Variants in KCNAB3 observed in about 807,000 individuals in gnomAD.
KCNAB3 encodes potassium voltage-gated channel subfamily A regulatory beta subunit 3.
Under a neutral mutation model 67.7 loss-of-function variants are expected in KCNAB3, and 62 were observed. That is an observed-to-expected ratio of 0.92 (90% CI 0.75 to 1.13). The LOEUF (loss-of-function observed/expected upper bound fraction) is 1.13, where lower values mean the gene tolerates loss of function less well. Ranked by LOEUF, KCNAB3 falls within the 50% of genes most tolerant of loss-of-function variation. KCNAB3 has a pLI of 0.00. For synonymous variants in KCNAB3, 212 were observed against 205.4 expected (o/e 1.03, Z -0.27); for missense variants, 514 against 522.9 (o/e 0.98, Z 0.17).
In KCNAB3 at chr17:7,929,821, C is replaced by CT; in HGVS notation, c.-387dup. On this transcript the variant is annotated 5_prime_UTR_variant, in exon 1 of 14. Transcript: ENST00000303790. This position sits in a 1 kb window ranked among gnomAD's most constrained non-coding sequence, Gnocchi z 5.7. Reference sequence around the variant, plus strand: ...TCAGCGCGAACCGCTGCGGGACCCGCTGGGCTCCCAGCCGCGTCGGCAGCG... The same window carrying CT: ...TCAGCGCGAACCGCTGCGGGACCCGCTTGGGCTCCCAGCCGCGTCGGCAGCG... The CT allele has an allele frequency of 4.7e-6, 5 of 1,068,906 alleles. No homozygotes were observed. In the South Asian group the frequency reaches 8.2e-5, roughly 18 times the overall value. The allele number at this position is 1,068,906 out of a possible 1,614,324, so 66.2% of individuals were successfully genotyped here.
chr17:7,924,187 C>T lies in KCNAB3; in HGVS notation c.790G>A (p.Glu264Lys). ...EQAEHHLFQREKVEMQLPELY... is the reference protein window; with the variant it reads ...EQAEHHLFQRKKVEMQLPELY... ...TCTGGCAGCTGCATCTCCACCTTCT[C>T]CCTCTGAAACAGATGGTGCTCCGCT... Residue 264 changes from glutamate (E) to lysine (K), a missense_variant, in exon 10 of 14, where the codon GAG (glutamate) becomes AAG (lysine). Glu to Lys is a moderately conservative substitution (Grantham distance 56, BLOSUM62 1). Transcript: ENST00000303790. The T allele has an allele frequency of 6.2e-7, 1 of 1,614,230 alleles. No homozygotes were observed. The highest frequency in any genetic ancestry group is 8.5e-7 in the Non-Finnish European group (1 of 1,180,048).
chr17:7,923,741 G>T lies in KCNAB3; in HGVS notation c.1018C>A (p.Leu340Met). ...GCAAGCTGGGCCACGGTGCAGCCCA[G>T]CTGGTGAGCGACAGGAAGAAGGTCC... ...VMDLLPVAHQ[L>M]GCTVAQLAIA... Residue 340 changes from leucine (L) to methionine (M), a missense_variant, in exon 12 of 14, where the codon CTG becomes ATG. Physicochemically the swap from Leu to Met is conservative, Grantham distance 15. Coordinates refer to ENST00000303790, the MANE Select transcript of KCNAB3 (RefSeq NM_004732.4). 2 of 1,569,580 alleles carry T rather than the reference G, an allele frequency of 1.3e-6. No homozygotes were observed. Among genetic ancestry groups the T allele is most frequent in the Non-Finnish European group, 8.6e-7 (1 of 1,156,288 alleles).
At chr17:7,923,264 C>G in intron 13 of KCNAB3, 85 bp from the exon 14 acceptor site, 3 of 1,416,068 alleles carry the variant, frequency 2.1e-6, no homozygotes, top group Non-Finnish European at 3.0e-6. Context: ...GGGGAAGCAC[C>G]ACAGTGGGGT....
At position 7,923,544 on chromosome 17, in the gene KCNAB3, G is replaced by A. The variant is rs1480983228; in HGVS notation, c.1049C>T (p.Ala350Val). ...LGCTVAQLAI[A>V]WCLRSEGVSS... ...GACACCCTCACTGCGGAGACACCAC[G>A]CTGGGGCCAGAGGAGGAAAAAAAGA... Residue 350 changes from alanine to valine, a missense_variant and splice_region_variant, in exon 13 of 14, where the codon GCG (alanine) becomes GTG (valine). By Grantham distance (64) the Ala-to-Val change is moderately conservative. Transcript: ENST00000303790. 1 of 1,604,000 alleles carries A rather than the reference G, an allele frequency of 6.2e-7. No homozygotes were observed. The highest frequency in any genetic ancestry group is 8.5e-7 in the Non-Finnish European group (1 of 1,175,310).
At position 7,929,217 on chromosome 17, in the gene KCNAB3, G is replaced by A. The variant is rs750521303; in HGVS notation, c.219C>T (p.Gly73=). The change falls in exon 1 of 14, where the codon GGC becomes GGT. Residue 73 remains glycine (G), a synonymous_variant. Coordinates refer to ENST00000303790, the MANE Select transcript of KCNAB3 (RefSeq NM_004732.4). The surrounding 1 kb of genome is among the most constrained non-coding windows in gnomAD (Gnocchi z 5.7). ...APAGALREST[G]RGTGMKYRNL... Reference sequence around the variant, plus strand: ...ACCTGTATTTCATGCCAGTGCCTCGGCCGGTGCTCTCTCGGAGGGCCCCAG... The same window carrying A: ...ACCTGTATTTCATGCCAGTGCCTCGACCGGTGCTCTCTCGGAGGGCCCCAG... The A allele has an allele frequency of 3.1e-6, 5 of 1,611,898 alleles. No homozygotes were observed. Among genetic ancestry groups the A allele is most frequent in the Admixed American group, 1.7e-5 (1 of 59,964 alleles).
intron 13 of KCNAB3, 57 bp downstream of exon 13, chr17:7,923,399 G>C: frequency 6.5e-7 from 1 of 1,531,664 alleles, no homozygotes. Context: ...TGGATAGCGT[G>C]GCTTTGACTC....
Position 7,929,817 on chromosome 17 carries a change from C to CA in KCNAB3, c.-383_-382insT. On this transcript the variant is annotated 5_prime_UTR_variant, in exon 1 of 14. Transcript: ENST00000303790. This position sits in a 1 kb window ranked among gnomAD's most constrained non-coding sequence, Gnocchi z 5.7. ...CACTTCAGCGCGAACCGCTGCGGGA[C>CA]CCGCTGGGCTCCCAGCCGCGTCGGC... 29 of 1,020,386 alleles carry CA rather than the reference C, an allele frequency of 2.8e-5. No individual in the cohort carries two copies. Among genetic ancestry groups the CA allele is most frequent in the South Asian group, 2.2e-4 (6 of 26,684 alleles). The allele number at this position is 1,020,386 out of a possible 1,614,324, so 63.2% of individuals were successfully genotyped here.
intron 8 of KCNAB3, 112 bp from the exon 9 acceptor site, chr17:7,924,612 T>G: frequency 6.9e-7 from 1 of 1,447,134 alleles, no homozygotes; most frequent in Non-Finnish European, 9.1e-7. Context: ...TATGGAGTCA[T>G]GAAAGTTAAT....
Position 7,923,839 on chromosome 17 carries a change from C to A in KCNAB3, c.928-8G>T, listed in dbSNP as rs373292804. 137 of 1,569,426 alleles carry A rather than the reference C, an allele frequency of 8.7e-5. No individual in the cohort carries two copies. In the Admixed American group the frequency reaches 9.7e-4, roughly 11 times the overall value. ...CTTGAGCCACTGGTAGCCCTGGAGG[C>A]CAAGAAGAATCAACAGAAGACCCCG... On this transcript the variant is annotated splice_region_variant and splice_polypyrimidine_tract_variant and intron_variant, in intron 11 of 13. Coordinates refer to ENST00000303790, the MANE Select transcript of KCNAB3 (RefSeq NM_004732.4).
In KCNAB3 at chr17:7,924,495, C is replaced by T; in HGVS notation, c.631G>A (p.Val211Met). ...TTGATGACATAGGTCATGGCTCGCACAATCTCTAGGTACACAGGAGAGGGA... is the reference window on the plus strand; with the variant it reads ...TTGATGACATAGGTCATGGCTCGCATAATCTCTAGGTACACAGGAGAGGGA... ...SDPNCPMEEI[V>M]RAMTYVINQG... The change falls in exon 9 of 14, where the codon GTG becomes ATG. Residue 211 changes from valine to methionine, a missense_variant. Coordinates refer to ENST00000303790, the MANE Select transcript of KCNAB3 (RefSeq NM_004732.4). 1.9e-6 allele frequency: 3 copies of T among 1,613,560 alleles called. No homozygotes were observed. Among genetic ancestry groups the T allele is most frequent in the Admixed American group, 1.7e-5 (1 of 59,958 alleles).
In KCNAB3 at chr17:7,926,090, G is replaced by A. The variant is rs777275638; in HGVS notation, c.418C>T (p.Leu140=). The part of the protein sequence containing the change: ...VYAAGKAERT[L]GNILKSKGWR... ...CCTTTGCTCTTGAGGATGTTCCCTA[G>A]GGTTCTTTCAGCCCTAAAAGAAACA... is the stretch of plus-strand genomic sequence containing the variant. The change falls in exon 5 of 14, where the codon CTA becomes TTA. Residue 140 remains leucine, a synonymous_variant. Transcript: ENST00000303790. 3 of 1,614,072 alleles carry A rather than the reference G, an allele frequency of 1.9e-6. No homozygotes were observed. The highest frequency in any genetic ancestry group is 2.5e-6 in the Non-Finnish European group (3 of 1,180,002).
intron 3 of KCNAB3, 97 bp from the exon 4 acceptor site, chr17:7,927,520 C>T (rs1680836070): frequency 6.7e-7 from 1 of 1,493,118 alleles, no homozygotes; most frequent in Non-Finnish European, 9.3e-7. Context: ...GTTCTCTAGT[C>T]TCTCCCCTCT....
intron 4 of KCNAB3, 74 bp downstream of exon 4, chr17:7,927,270 G>A: frequency 1.4e-6 from 2 of 1,395,804 alleles, no homozygotes. Flanking sequence ...TCTTTAGAGG[G>A]AAAACGAGAA....
Position 7,922,538 on chromosome 17 carries a change from C to T in KCNAB3, c.*564G>A, listed in dbSNP as rs970881367. 9 of 157,686 alleles carry T rather than the reference C, an allele frequency of 5.7e-5. No individual in the cohort carries two copies. The highest frequency in any genetic ancestry group is 1.1e-4 in the Non-Finnish European group (8 of 70,864). 9.8% of individuals were successfully genotyped at this position (157,686 alleles called of 1,614,324 possible). A position where few individuals can be genotyped will look rare whatever the true frequency, so the allele number is the denominator to read the frequency against. On this transcript the variant is annotated 3_prime_UTR_variant, in exon 14 of 14. Transcript: ENST00000303790. ...TGTAGACCCCACCCTGACCGCCCTC[C>T]TCCACCTCTGGGCTGGGAGGCAGGG...
chr17:7,923,390 G>T, intron 13 of KCNAB3, 66 bp downstream of exon 13: 1 of 1,488,642 alleles, frequency 6.7e-7, no homozygotes, highest in Non-Finnish European at 9.2e-7. Context: ...ATCCTGGGTT[G>T]GATAGCGTGG....
In KCNAB3 at chr17:7,929,212, C is replaced by A; in HGVS notation, c.224G>T (p.Gly75Val). The A allele has an allele frequency of 1.9e-6, 3 of 1,611,924 alleles. No homozygotes were observed. The Admixed American group carries it at 5.0e-5, about 27-fold the overall frequency. ...AGALRESTGR[G>V]TGMKYRNLGK... is the part of the protein sequence containing the mutation. ...CCCATACCTGTATTTCATGCCAGTGCCTCGGCCGGTGCTCTCTCGGAGGGC... is the reference window on the plus strand; with the variant it reads ...CCCATACCTGTATTTCATGCCAGTGACTCGGCCGGTGCTCTCTCGGAGGGC... Residue 75 changes from glycine (G) to valine (V), a missense_variant, in exon 1 of 14, where the codon GGC becomes GTC. Transcript: ENST00000303790. The surrounding 1 kb of genome is among the most constrained non-coding windows in gnomAD (Gnocchi z 5.7).
chr17:7,927,364 G>A lies in KCNAB3; in HGVS notation c.384C>T (p.Ala128=), dbSNP rs989940296. The change falls in exon 4 of 14, where the codon GCC becomes GCT. Residue 128 remains alanine (A), a synonymous_variant. Transcript: ENST00000303790. Reference sequence around the variant, plus strand: ...CTTACTTTCCTGCTGCGTACACTTCGGCGGTGTCAAACAGGTTTACACCAT... The same window carrying A: ...CTTACTTTCCTGCTGCGTACACTTCAGCGGTGTCAAACAGGTTTACACCAT... The part of the protein sequence containing the change: ...YEHGVNLFDT[A]EVYAAGKAER... The A allele has an allele frequency of 2.4e-5, 38 of 1,613,664 alleles. No individual in the cohort carries two copies. Among genetic ancestry groups the A allele is most frequent in the Non-Finnish European group, 3.0e-5 (35 of 1,179,984 alleles).
chr17:7,922,894 G>C lies in KCNAB3; in HGVS notation c.*208C>G. The stretch of plus-strand genomic sequence containing the variant: ...GCCTAGAAAGACGCAGCAGGGGGCG[G>C]GCGTGCTACTTTCTCTCTCGACCCC... On this transcript the variant is annotated 3_prime_UTR_variant, in exon 14 of 14. Coordinates refer to ENST00000303790, the MANE Select transcript of KCNAB3 (RefSeq NM_004732.4). 2 of 590,862 alleles carry C rather than the reference G, an allele frequency of 3.4e-6. No homozygotes were observed. Among genetic ancestry groups the C allele is most frequent in the Non-Finnish European group, 3.0e-6 (1 of 328,402 alleles). The allele number at this position is 590,862 out of a possible 1,614,324, so 36.6% of individuals were successfully genotyped here. A position where few individuals can be genotyped will look rare whatever the true frequency, so the allele number is the denominator to read the frequency against.
In KCNAB3 at chr17:7,926,627, G is replaced by A. The variant is rs372685957; in HGVS notation, c.405-524C>T. Among the ~76,000 whole-genome samples, 34 of 152,326 alleles carry A rather than the reference G, an allele frequency of 2.2e-4. No homozygotes were observed. The South Asian group carries it at 7.0e-3, about 32-fold the overall frequency. ...GCTCACTTATGACAAGTCTTAAGTTGTCATGGTGGACTGTTACTGAAATGT... is the reference window on the plus strand; with the variant it reads ...GCTCACTTATGACAAGTCTTAAGTTATCATGGTGGACTGTTACTGAAATGT... On this transcript the variant is annotated intron_variant, in intron 4 of 13. Coordinates refer to ENST00000303790, the MANE Select transcript of KCNAB3 (RefSeq NM_004732.4).
Sources: gnomAD v4.1 joint callset for allele counts (sites outside exome capture counted in the v4.1 genomes callset) on GRCh38, gnomAD v4.1.1 for gene constraint, Gnocchi (gnomAD v3.1) non-coding constraint, MANE v1.5 for transcripts, NCBI Gene and HGNC (gene_info 2026-07-23, HGNC 2026-07-21) for gene names.